Variants in TMEM165 observed in about 807,000 individuals in gnomAD.
The protein encoded by TMEM165 is putative divalent cation/proton antiporter TMEM165.
In TMEM165, 19 loss-of-function variants were observed where a neutral mutation model predicts 30.0. The ratio of observed to expected loss-of-function variants is 0.63; its 90% CI spans 0.44 to 0.93. The LOEUF (loss-of-function observed/expected upper bound fraction) is 0.93. Ranked by LOEUF, TMEM165 falls within the 40% of genes least tolerant of loss-of-function variation. The pLI, the probability that TMEM165 is intolerant of heterozygous loss-of-function variation, is 0.00. For missense variants in TMEM165, 340 were observed against 417.0 expected (o/e 0.82, Z 1.61); for synonymous variants, 168 against 162.9 (o/e 1.03, Z -0.24).
intron 2 of TMEM165, among the ~76,000 whole-genome samples, chr4:55,416,446 A>G (rs998393022): frequency 6.6e-6 from 1 of 152,174 alleles, no homozygotes; most frequent in Non-Finnish European, 1.5e-5. Flanking sequence ...ACTTACACAG[A>G]TGTCTTTCCT....
chr4:55,400,013 C>CT lies in TMEM165; in HGVS notation c.207+3631dup, dbSNP rs766230688. Among the ~76,000 whole-genome samples, 428 of 129,722 alleles carry CT rather than the reference C, an allele frequency of 3.3e-3. 3 individuals carry two copies. The highest frequency in any genetic ancestry group is 0.011 in the South Asian group (44 of 4,126). The allele number at this position is 129,722 out of a possible 152,430, so 85.1% of individuals were successfully genotyped here. A position where few individuals can be genotyped will look rare whatever the true frequency, so the allele number is the denominator to read the frequency against. On this transcript the variant is annotated intron_variant, in intron 1 of 5. Coordinates refer to ENST00000381334, the MANE Select transcript of TMEM165 (RefSeq NM_018475.5). ...AGAATATAATTGTCTTCTTTTCTTC[C>CT]TTTTTTTTTTTTTTAGAGACAGGGT... is the stretch of plus-strand genomic sequence containing the variant.
chr4:55,441,910 C>T (rs576024419), intron 3 of TMEM165, among the ~76,000 whole-genome samples: 5 of 152,282 alleles, frequency 3.3e-5, no homozygotes, highest in South Asian at 2.1e-4. Context: ...TTCAGAGTTC[C>T]CTTCCTCATC....
At chr4:55,402,860 C>T (rs369704500) in intron 1 of TMEM165, among the ~76,000 whole-genome samples, 3,336 of 124,422 alleles carry the variant, frequency 0.027, 169 homozygotes, top group African/African-American at 0.099. Flanking sequence ...GGCGTGATCT[C>T]GGCTCACTGC....
At chr4:55,398,514 C>G (rs1175588268) in intron 1 of TMEM165, among the ~76,000 whole-genome samples, 1 of 152,244 alleles carries the variant, frequency 6.6e-6, no homozygotes, top group African/African-American at 2.4e-5. Flanking sequence ...ATTTAATTCA[C>G]TAATGGATTT....
intron 3 of TMEM165, among the ~76,000 whole-genome samples, chr4:55,449,047 T>G (rs1207744827): frequency 6.6e-6 from 1 of 152,176 alleles, no homozygotes; most frequent in East Asian, 1.9e-4. Context: ...CTATTTATCT[T>G]TTATTTTCCA....
At chr4:55,418,097 ACTGT>A in intron 4 of TMEM165, 112 bp downstream of exon 4, 14 of 993,664 alleles carry the variant, frequency 1.4e-5, no homozygotes, top group Non-Finnish European at 2.0e-5. Context: ...CATATGCAAG[ACTGT>A]TTTACATCTG....
At chr4:55,451,367 G>A (rs1414311909) in intron 3 of TMEM165, among the ~76,000 whole-genome samples, 1 of 152,032 alleles carries the variant, frequency 6.6e-6, no homozygotes, top group East Asian at 1.9e-4. Flanking sequence ...TAACTTCCTG[G>A]TTTTATTCCT....
At chr4:55,438,568 G>A (rs987533833) in intron 3 of TMEM165, 35 of 1,612,088 alleles carry the variant, frequency 2.2e-5, no homozygotes, top group Non-Finnish European at 2.8e-5. Flanking sequence ...AAAAATTGGA[G>A]TCCAAAGTAC....
rs1009827469 is a variant in TMEM165 at position 55,438,423 on chromosome 4, A to T, written c.408+13780A>T. On this transcript the variant is annotated intron_variant, in intron 3 of 3. Coordinates refer to the TMEM165 transcript ENST00000608091. Reference sequence around the variant, plus strand: ...GTGACTGTTGCTGTTGTGTAGCAAAAGTAGGATATGCAGTCACCACCTGGC... The same window carrying T: ...GTGACTGTTGCTGTTGTGTAGCAAATGTAGGATATGCAGTCACCACCTGGC... 7 of 1,613,828 alleles carry T rather than the reference A, an allele frequency of 4.3e-6. No homozygotes were observed. In the African/African-American group the frequency reaches 9.3e-5, roughly 22 times the overall value.
At chr4:55,400,445 AATAT>A (rs927238140) in intron 1 of TMEM165, among the ~76,000 whole-genome samples, 1 of 135,728 alleles carries the variant, frequency 7.4e-6, no homozygotes, top group Non-Finnish European at 1.5e-5. Context: ...TAATATATAT[AATAT>A]ATATATATTT....
chr4:55,446,262 G>GT (rs958171632), intron 3 of TMEM165, among the ~76,000 whole-genome samples: 3 of 151,440 alleles, frequency 2.0e-5, no homozygotes, highest in African/African-American at 7.3e-5. Context: ...CCCGGCTAAT[G>GT]TTTTTTTTAA....
At chr4:55,396,447 G>A (rs1468143058) in intron 1 of TMEM165, 51 bp downstream of exon 1, 11 of 1,354,740 alleles carry the variant, frequency 8.1e-6, no homozygotes, top group Non-Finnish European at 1.0e-5. Flanking sequence ...GCTGCGCCGA[G>A]TACCAGGCTC....
intron 3 of TMEM165, among the ~76,000 whole-genome samples, chr4:55,441,860 T>G (rs920708952): frequency 6.6e-6 from 1 of 152,174 alleles, no homozygotes; most frequent in Non-Finnish European, 1.5e-5. Context: ...AATATATGCT[T>G]AAGCACTCAA....
chr4:55,440,972 A>C (rs1265075640), intron 3 of TMEM165, among the ~76,000 whole-genome samples: 1 of 151,498 alleles, frequency 6.6e-6, no homozygotes, highest in South Asian at 2.1e-4. Flanking sequence ...TTACAAAAAC[A>C]AAACAAAACA....
rs1331832932 is a variant in TMEM165 at position 55,417,164 on chromosome 4, C to T, written c.526C>T (p.Arg176Trp). The T allele has an allele frequency of 2.5e-6, 4 of 1,613,738 alleles. No homozygotes were observed. Among genetic ancestry groups the T allele is most frequent in the Non-Finnish European group, 3.4e-6 (4 of 1,179,972 alleles). Residue 176 changes from arginine (R) to tryptophan (W), a missense_variant, in exon 3 of 6, where the codon CGG becomes TGG. By Grantham distance (101) the Arg-to-Trp change is moderately radical. Around this residue, in one of 2 missense-constraint regions of TMEM165, gnomAD observed 220 missense variants for 307.6 expected, o/e 0.72. Transcript: ENST00000381334. The stretch of plus-strand genomic sequence containing the variant: ...TGCCATTTTTGGCATTAGAATGCTT[C>T]GGGAAGGCTTAAAGATGAGCCCTGA... ...LFAIFGIRML[R>W]EGLKMSPDEG...
intron 1 of TMEM165, among the ~76,000 whole-genome samples, chr4:55,411,156 A>G (rs1043148308): frequency 2.6e-5 from 4 of 151,658 alleles, no homozygotes; most frequent in African/African-American, 7.3e-5. Flanking sequence ...AAAAAAGGGA[A>G]TTTTAATGCA....
intron 3 of TMEM165, chr4:55,448,762 C>T (rs1724161042): frequency 6.2e-7 from 1 of 1,608,168 alleles, no homozygotes; most frequent in African/African-American, 1.3e-5. Flanking sequence ...GCAACTGAAA[C>T]AAAAACCAAA....
At chr4:55,420,138 T>TAA (rs57904557) in intron 4 of TMEM165, among the ~76,000 whole-genome samples, 1 of 47,804 alleles carries the variant, frequency 2.1e-5, no homozygotes, top group Non-Finnish European at 3.7e-5. Flanking sequence ...TATTTATTTA[T>TAA]TTATTTATTT....
chr4:55,403,097 A>AAAG (rs1721101645), intron 1 of TMEM165: 1 of 386,602 alleles, frequency 2.6e-6, no homozygotes, highest in East Asian at 9.1e-5. Context: ...GCCCCTAAAA[A>AAAG]AAGCTTTTTT....
Sources: gnomAD v4.1 joint callset for allele counts (sites outside exome capture counted in the v4.1 genomes callset) on GRCh38, gnomAD v4.1.1 for gene constraint, gnomAD v4.1.1 regional missense constraint, MANE v1.5 for transcripts, NCBI Gene and HGNC (gene_info 2026-07-23, HGNC 2026-07-21) for gene names.